ANKS1A: variants seen among roughly 807,000 people sequenced by gnomAD.
ANKS1A encodes the protein ankyrin repeat and SAM domain-containing protein 1A.
In ANKS1A, 55 loss-of-function variants were observed where a neutral mutation model predicts 120.3. The ratio of observed to expected loss-of-function variants is 0.46; its 90% CI spans 0.37 to 0.57. The LOEUF (loss-of-function observed/expected upper bound fraction) is 0.57. Among genes scored for constraint, ANKS1A ranks in the 20% least tolerant of loss-of-function variants. The probability of loss-of-function intolerance (pLI) is 0.00; values close to 1 mark genes in which losing one functional copy is unlikely to be tolerated. For missense variants in ANKS1A, 1,123 were observed against 1,480.3 expected (o/e 0.76, Z 3.96); for synonymous variants, 590 against 604.7 (o/e 0.98, Z 0.36).
chr6:34,926,673 AT>A (rs1169252422), intron 1 of ANKS1A, among the ~76,000 whole-genome samples: 12 of 152,112 alleles, frequency 7.9e-5, no homozygotes, highest in Admixed American at 6.5e-5. Context: ...AAAAGGTGCA[AT>A]GGCTCATTGC....
intron 9 of ANKS1A, among the ~76,000 whole-genome samples, chr6:34,990,445 C>T (rs1019698979): frequency 2.6e-5 from 4 of 151,658 alleles, no homozygotes; most frequent in African/African-American, 9.7e-5. Context: ...GCAGTAAATC[C>T]TTCCATATTT....
chr6:35,082,992 T>C lies in ANKS1A; in HGVS notation c.2836-163T>C, dbSNP rs1777771885. Among the ~76,000 whole-genome samples the C allele has an allele frequency of 1.3e-5, 2 of 152,108 alleles. No individual in the cohort carries two copies. The highest frequency in any genetic ancestry group is 1.3e-4 in the Admixed American group (2 of 15,274). On this transcript the variant is annotated intron_variant, in intron 18 of 23. Coordinates refer to ENST00000360359, the MANE Select transcript of ANKS1A (RefSeq NM_015245.3). The surrounding 1 kb of genome is among the most constrained non-coding windows in gnomAD (Gnocchi z 4.1). ...AAGGGGTGGAGGCCTCTGGATCCTTTAGCTAGGGAGTTGAATGGAGGGTCT... is the reference window on the plus strand; with the variant it reads ...AAGGGGTGGAGGCCTCTGGATCCTTCAGCTAGGGAGTTGAATGGAGGGTCT...
At chr6:34,984,925 T>C (rs983520949) in intron 7 of ANKS1A, among the ~76,000 whole-genome samples, 157 bp from the exon 8 acceptor site, 3 of 152,156 alleles carry the variant, frequency 2.0e-5, no homozygotes, top group Admixed American at 6.5e-5. Flanking sequence ...GCTGAAACTA[T>C]ACGTATTCTT....
At chr6:35,092,595 C>T (rs936024129), downstream of ANKS1A, among the ~76,000 whole-genome samples, 5 of 152,174 alleles carry the variant, frequency 3.3e-5, no homozygotes, top group African/African-American at 1.2e-4. Context: ...TCCCTTGGCT[C>T]CCTGGCTATG....
intron 11 of ANKS1A, among the ~76,000 whole-genome samples, chr6:35,035,915 C>T (rs1392365841): frequency 1.3e-5 from 2 of 152,166 alleles, no homozygotes; most frequent in East Asian, 1.9e-4. Context: ...CACCTCTCTC[C>T]GCTTGCCTCC....
intron 10 of ANKS1A, 67 bp from the exon 11 acceptor site, chr6:35,017,406 C>A: frequency 6.7e-7 from 1 of 1,500,714 alleles, no homozygotes; most frequent in Non-Finnish European, 9.0e-7. Flanking sequence ...ATGCTTGCTG[C>A]ATTGGAACTT....
In ANKS1A at chr6:35,079,805, GCTC is replaced by G; in HGVS notation, c.2437-12_2437-10del. The G allele has an allele frequency of 6.3e-7, 1 of 1,585,806 alleles. No homozygotes were observed. Among genetic ancestry groups the G allele is most frequent in the Non-Finnish European group, 8.6e-7 (1 of 1,165,740 alleles). On this transcript the variant is annotated splice_polypyrimidine_tract_variant and intron_variant, in intron 15 of 23. Transcript: ENST00000360359. ...TGGCCACCTGACCTGTCACCTCGCT[GCTC>G]CTCATCACCCAGGTCCTGAAGGTCC...
chr6:35,084,127 A>G lies in ANKS1A; in HGVS notation c.3001A>G (p.Ile1001Val), dbSNP rs754172465. ...KFIDASNKNV[I>V]AEHEIRNISC... ...ACACGGCTTTCCCCAGCAGAACGTC[A>G]TTGCAGAGCACGAGATCCGGAACAT... The change falls in exon 21 of 24, where the codon ATT becomes GTT. Residue 1001 changes from isoleucine (I) to valine (V), a missense_variant. Coordinates refer to ENST00000360359, the MANE Select transcript of ANKS1A (RefSeq NM_015245.3). The surrounding 1 kb of genome is among the most constrained non-coding windows in gnomAD (Gnocchi z 4.8). 1 of 1,614,168 alleles carries G rather than the reference A, an allele frequency of 6.2e-7. No homozygotes were observed. The highest frequency in any genetic ancestry group is 1.1e-5 in the South Asian group (1 of 91,078).
chr6:34,998,655 G>A (rs1043406000), intron 10 of ANKS1A, among the ~76,000 whole-genome samples: 4 of 152,094 alleles, frequency 2.6e-5, no homozygotes, highest in African/African-American at 9.7e-5. Flanking sequence ...TTGCTCAATC[G>A]ATCATGACCC....
Position 35,086,494 on chromosome 6 carries a change from C to A in ANKS1A, c.3304-458C>A, listed in dbSNP as rs983376648. ...TCCCCTCTTCCTGAGATGCCCTCTG[C>A]CTGTTCTGTGTGTGCTTCAGCCCTC... On this transcript the variant is annotated intron_variant, in intron 22 of 23. Coordinates refer to ENST00000360359, the MANE Select transcript of ANKS1A (RefSeq NM_015245.3). The surrounding 1 kb of genome is among the most constrained non-coding windows in gnomAD (Gnocchi z 5.1). 2 of 593,014 alleles carry A rather than the reference C, an allele frequency of 3.4e-6. No individual in the cohort carries two copies. The highest frequency in any genetic ancestry group is 5.6e-6 in the Non-Finnish European group (2 of 360,270). 36.7% of individuals were successfully genotyped at this position (593,014 alleles called of 1,614,324 possible).
At chr6:35,033,574 C>G (rs1179362714) in intron 11 of ANKS1A, among the ~76,000 whole-genome samples, 1 of 152,240 alleles carries the variant, frequency 6.6e-6, no homozygotes, top group African/African-American at 2.4e-5. Flanking sequence ...AACGCTGTTT[C>G]TCTGTACTAA....
chr6:34,893,837 G>A (rs765531237), intron 1 of ANKS1A, among the ~76,000 whole-genome samples: 3 of 152,006 alleles, frequency 2.0e-5, no homozygotes, highest in African/African-American at 7.3e-5. Flanking sequence ...TCAGTTTACT[G>A]TATCTTTGTG....
At chr6:35,067,374 A>G (rs1354447148) in intron 13 of ANKS1A, among the ~76,000 whole-genome samples, 2 of 152,220 alleles carry the variant, frequency 1.3e-5, no homozygotes, top group African/African-American at 4.8e-5. Context: ...GGCTGAGACC[A>G]GAAACCTGTT....
chr6:34,936,708 G>A (rs1737726), intron 1 of ANKS1A, among the ~76,000 whole-genome samples: 13,212 of 152,126 alleles, frequency 0.087, 1,178 homozygotes, highest in African/African-American at 0.23. Flanking sequence ...AGGATATTCG[G>A]TTTCCTCACT....
At chr6:34,966,762 G>A (rs1770912974) in intron 1 of ANKS1A, among the ~76,000 whole-genome samples, 1 of 152,142 alleles carries the variant, frequency 6.6e-6, no homozygotes, top group African/African-American at 2.4e-5. Flanking sequence ...ACAAAGGAAA[G>A]GCAAAATCGT....
chr6:34,997,259 TGA>T (rs1772905760), intron 10 of ANKS1A, among the ~76,000 whole-genome samples: 1 of 147,592 alleles, frequency 6.8e-6, no homozygotes, highest in South Asian at 2.1e-4. Context: ...TGCAGTGGCA[TGA>T]CCTCAGCTCA....
rs1231673570 is a variant in ANKS1A, at chr6:35,085,897, AC to A, written c.3266del (p.Pro1089ArgfsTer9). ...AGATGATTGAAACAAAATCTTCCAAACCGGTGCCTAAGCCTCGGGTCGGCGT... is the reference window on the plus strand; with the variant it reads ...AGATGATTGAAACAAAATCTTCCAAACGGTGCCTAAGCCTCGGGTCGGCGT... ...AEMIETKSSK[P>X]VPKPRVGVRK... is the part of the protein sequence containing the mutation. On this transcript the variant is annotated frameshift_variant, in exon 22 of 24. Coordinates refer to ENST00000360359, the MANE Select transcript of ANKS1A (RefSeq NM_015245.3). LOFTEE classifies it high-confidence loss of function. The surrounding 1 kb of genome is among the most constrained non-coding windows in gnomAD (Gnocchi z 4.7). 2 of 1,612,756 alleles carry A rather than the reference AC, an allele frequency of 1.2e-6. No homozygotes were observed. The highest frequency in any genetic ancestry group is 1.7e-6 in the Non-Finnish European group (2 of 1,179,696).
intron 13 of ANKS1A, among the ~76,000 whole-genome samples, chr6:35,063,101 T>C (rs1776600241): frequency 6.6e-6 from 1 of 152,178 alleles, no homozygotes; most frequent in Non-Finnish European, 1.5e-5. Context: ...GAAAGGGCCT[T>C]TGATTTAGAG....
chr6:35,038,359 C>CGGT (rs529477106), intron 11 of ANKS1A: 352 of 456,132 alleles, frequency 7.7e-4, no homozygotes, highest in African/African-American at 5.6e-3. Context: ...CAGTTTCGAC[C>CGGT]GGTCCACGAT....
Sources: gnomAD v4.1 joint callset for allele counts (sites outside exome capture counted in the v4.1 genomes callset) on GRCh38, gnomAD v4.1.1 for gene constraint, Gnocchi (gnomAD v3.1) non-coding constraint, MANE v1.5 for transcripts, NCBI Gene and HGNC (gene_info 2026-07-23, HGNC 2026-07-21) for gene names.